DIP2C: variants seen among roughly 807,000 people sequenced by gnomAD.
DIP2C encodes the protein disco-interacting protein 2 homolog C.
In DIP2C, 33 loss-of-function variants were observed where a neutral mutation model predicts 192.4. That is an observed-to-expected ratio of 0.17 (90% confidence interval 0.13 to 0.23). DIP2C has a LOEUF of 0.23. Ranked by LOEUF, DIP2C falls within the 10% of genes least tolerant of loss-of-function variation. The pLI is 1.00. For synonymous variants in DIP2C, 979 were observed against 864.1 expected (o/e 1.13, Z -2.33); for missense variants, 1,537 against 2,110.1 (o/e 0.73, Z 5.32).
chr10:346,443 G>C (rs1361658195), intron 26 of DIP2C, among the ~76,000 whole-genome samples: 3 of 24,976 alleles, frequency 1.2e-4, no homozygotes, highest in Non-Finnish European at 2.1e-4. Flanking sequence ...TCCCGGAAAC[G>C]TCACACACAC....
chr10:687,100 G>T (rs909029617), intron 1 of DIP2C, among the ~76,000 whole-genome samples: 28 of 152,216 alleles, frequency 1.8e-4, no homozygotes. Context: ...TTTGATTGAA[G>T]ATGGGAAATA....
intron 1 of DIP2C, among the ~76,000 whole-genome samples, chr10:647,314 G>A (rs1855509131): frequency 6.6e-6 from 1 of 151,514 alleles, no homozygotes; most frequent in African/African-American, 2.4e-5. Context: ...ACATTGGACG[G>A]CGGGAGAGAA....
chr10:379,970 T>G (rs1035242915), intron 17 of DIP2C, among the ~76,000 whole-genome samples: 14 of 151,710 alleles, frequency 9.2e-5, no homozygotes, highest in African/African-American at 3.4e-4. Context: ...GAAGAGGATG[T>G]CCCTAGAAGA....
chr10:316,086 G>A (rs1956763019), intron 31 of DIP2C, among the ~76,000 whole-genome samples: 1 of 151,780 alleles, frequency 6.6e-6, no homozygotes, highest in Non-Finnish European at 1.5e-5. Context: ...CGAATTTCTG[G>A]CCTCACCTAT....
At chr10:325,223 G>C (rs1303810095) in intron 31 of DIP2C, among the ~76,000 whole-genome samples, 1 of 151,872 alleles carries the variant, frequency 6.6e-6, no homozygotes, top group Non-Finnish European at 1.5e-5. Context: ...CCAGATCACG[G>C]CAATGCACTC....
chr10:459,420 G>A lies in DIP2C; in HGVS notation c.268+13019C>T, dbSNP rs377597209. 5.5e-4 allele frequency among the ~76,000 whole-genome samples: 83 copies of A among 152,256 alleles called. 1 individual carries two copies. Among genetic ancestry groups the A allele is most frequent in the African/African-American group, 1.8e-3 (74 of 41,466 alleles). The stretch of plus-strand genomic sequence containing the variant: ...ACTGCAAAGGAGGGGCAAGGCTGAA[G>A]TCAGATGCTGATCCCTGAGAGGGCA... On this transcript the variant is annotated intron_variant, in intron 3 of 36. Coordinates refer to ENST00000280886, the MANE Select transcript of DIP2C (RefSeq NM_014974.3).
intron 1 of DIP2C, among the ~76,000 whole-genome samples, chr10:569,444 G>A (rs1849647406): frequency 6.6e-6 from 1 of 152,174 alleles, no homozygotes; most frequent in African/African-American, 2.4e-5. Context: ...ATAATGATGT[G>A]TGACAACAGA....
intron 2 of DIP2C, among the ~76,000 whole-genome samples, chr10:479,828 G>A (rs1008600739): frequency 2.0e-5 from 3 of 149,788 alleles, no homozygotes; most frequent in East Asian, 4.0e-4. Context: ...AGCTCCAGTC[G>A]ACGCTCACTG....
chr10:418,157 T>G lies in DIP2C; in HGVS notation c.739+908A>C, dbSNP rs868760053. On this transcript the variant is annotated intron_variant, in intron 6 of 36. Coordinates refer to ENST00000280886, the MANE Select transcript of DIP2C (RefSeq NM_014974.3). ...CCTGTCCACCTGCACCTGTCAGAGC[T>G]CGGACAGGCCTCCCTGTCCACCTGC... is the stretch of plus-strand genomic sequence containing the variant. Among the ~76,000 whole-genome samples, 18 of 51,852 alleles carry G rather than the reference T, an allele frequency of 3.5e-4. 3 individuals are homozygous for G. The highest frequency in any genetic ancestry group is 1.1e-3 in the African/African-American group (9 of 7,962). 34.0% of individuals were successfully genotyped at this position (51,852 alleles called of 152,430 possible).
chr10:463,177 G>C (rs918282147), intron 3 of DIP2C, among the ~76,000 whole-genome samples: 1 of 152,130 alleles, frequency 6.6e-6, no homozygotes, highest in African/African-American at 2.4e-5. Flanking sequence ...AAGAAAGAAA[G>C]GGTATTCAAA....
Position 417,710 on chromosome 10 carries a change from AAATAGGCCTCCCTGTCTGCCTGCG to A in DIP2C, c.739+1331_739+1354del, listed in dbSNP as rs1965779911. Reference sequence around the variant, plus strand: ...CCTGTCCGCCTGTGCCTGTCGGCTCAAATAGGCCTCCCTGTCTGCCTGCGCCTGTCAGGGCTCGGATAGGCATCC... The same window carrying A: ...CCTGTCCGCCTGTGCCTGTCGGCTCACCTGTCAGGGCTCGGATAGGCATCC... On this transcript the variant is annotated intron_variant, in intron 6 of 36. Transcript: ENST00000280886. Among the ~76,000 whole-genome samples the A allele has an allele frequency of 1.8e-4, 14 of 78,996 alleles. 1 individual carries two copies. Among genetic ancestry groups the A allele is most frequent in the Admixed American group, 3.9e-4 (3 of 7,734 alleles). 51.8% of individuals were successfully genotyped at this position (78,996 alleles called of 152,430 possible). A position where few individuals can be genotyped will look rare whatever the true frequency, so the allele number is the denominator to read the frequency against.
chr10:575,350 CA>C (rs1401270098), intron 1 of DIP2C, among the ~76,000 whole-genome samples: 1 of 152,168 alleles, frequency 6.6e-6, no homozygotes, highest in Non-Finnish European at 1.5e-5. Context: ...CTGAAGTTTT[CA>C]AATGAAGGGA....
At chr10:632,189 G>A (rs533768256) in intron 1 of DIP2C, among the ~76,000 whole-genome samples, 1 of 152,270 alleles carries the variant, frequency 6.6e-6, no homozygotes, top group Non-Finnish European at 1.5e-5. Flanking sequence ...CCTGTGAAGA[G>A]AGAAACAGTT....
At chr10:389,842 A>G in intron 13 of DIP2C, 149 bp downstream of exon 13, 1 of 674,338 alleles carries the variant, frequency 1.5e-6, no homozygotes, top group South Asian at 1.9e-5. Flanking sequence ...GGCTGAGCTG[A>G]TATCCTAACT....
chr10:459,895 G>A (rs1054998043), intron 3 of DIP2C, among the ~76,000 whole-genome samples: 1 of 142,796 alleles, frequency 7.0e-6, no homozygotes, highest in Non-Finnish European at 1.5e-5. Context: ...TGCTGCACGT[G>A]AGCTCTAGGA....
chr10:468,435 C>T (rs867052153), intron 3 of DIP2C, among the ~76,000 whole-genome samples: 13 of 152,038 alleles, frequency 8.6e-5, no homozygotes, highest in South Asian at 4.2e-4. Context: ...TCATGGGGTG[C>T]GCTCCATATG....
intron 31 of DIP2C, among the ~76,000 whole-genome samples, chr10:315,312 TTTTCAGTATTCTTCATTTCTTCTTAAAAA>T (rs1175375514): frequency 1.4e-4 from 21 of 152,354 alleles, no homozygotes; most frequent in African/African-American, 5.0e-4. Flanking sequence ...GTATTTACTC[TTTTCAGTATTCTTCATTTCTTCTTAAAAA>T]TTTGGGCTTC....
At chr10:497,383 T>C (rs1409187082) in intron 1 of DIP2C, among the ~76,000 whole-genome samples, 4 of 152,192 alleles carry the variant, frequency 2.6e-5, no homozygotes, top group South Asian at 4.1e-4. Context: ...GGGGAAGGAA[T>C]ACAGGCTCTC....
At chr10:609,386 C>T (rs1852905336) in intron 1 of DIP2C, among the ~76,000 whole-genome samples, 1 of 152,196 alleles carries the variant, frequency 6.6e-6, no homozygotes, top group African/African-American at 2.4e-5. Flanking sequence ...TAGATCTTTA[C>T]ATTCACTTAC....
Sources: allele counts gnomAD v4.1 joint callset (sites outside exome capture counted in the v4.1 genomes callset), GRCh38; gene constraint gnomAD v4.1.1; transcripts MANE v1.5; gene names NCBI Gene and HGNC (gene_info 2026-07-23, HGNC 2026-07-21).